Variants in TTC13 observed in about 807,000 individuals in gnomAD.
The protein encoded by TTC13 is tetratricopeptide repeat protein 13.
TTC13 carries 62 observed loss-of-function variants against 120.0 expected under a neutral mutation model. The ratio of observed to expected loss-of-function variants is 0.52; its 90% CI spans 0.42 to 0.64. TTC13 has a LOEUF of 0.64. Among genes scored for constraint, TTC13 ranks in the 30% least tolerant of loss-of-function variants. The pLI is 0.00. For synonymous variants in TTC13, 384 were observed against 393.5 expected, an observed-to-expected ratio of 0.98 and a Z score of 0.28; for missense variants, 824 against 1,050.2, an observed-to-expected ratio of 0.78 and a Z score of 2.98.
At chr1:230,977,390 A>G (rs1473779800) in intron 1 of TTC13, among the ~76,000 whole-genome samples, 1 of 152,224 alleles carries the variant, frequency 6.6e-6, no homozygotes, top group African/African-American at 2.4e-5. Context: ...TCAGAGATAC[A>G]GAAAGTGACA....
Position 230,974,895 on chromosome 1 carries a change from T to C in TTC13, c.271+3665A>G, listed in dbSNP as rs148021647. ...TCAAAGACAAAATTCTAATAGTGAT[T>C]TAAGAATATAACTTTCAACAAAGCT... On this transcript the variant is annotated intron_variant, in intron 1 of 22. Transcript: ENST00000366661. 5.0e-3 allele frequency among the ~76,000 whole-genome samples: 757 copies of C among 152,332 alleles called. 6 individuals carry two copies. Among genetic ancestry groups the C allele is most frequent in the African/African-American group, 0.017 (710 of 41,566 alleles).
chr1:230,978,599 A>T lies in TTC13; in HGVS notation c.232T>A (p.Ser78Thr). The change falls in exon 1 of 23, where the codon TCC (serine) becomes ACC (threonine). Residue 78 changes from serine to threonine, a missense_variant. Physicochemically the swap from Ser to Thr is moderately conservative, Grantham distance 58 (BLOSUM62 1). Transcript: ENST00000366661. This position sits in a 1 kb window ranked among gnomAD's most constrained non-coding sequence, Gnocchi z 5.6. ...PAGGGGCSPQSGDWGDQYSAE... is the reference protein window; with the variant it reads ...PAGGGGCSPQTGDWGDQYSAE... ...GAGTACTGGTCCCCCCAGTCCCCGG[A>T]CTGCGGGCTGCAGCCGCCGCCGCCC... is the stretch of plus-strand genomic sequence containing the variant. The T allele has an allele frequency of 1.5e-5, 21 of 1,408,770 alleles. No individual in the cohort carries two copies. Among genetic ancestry groups the T allele is most frequent in the Non-Finnish European group, 1.8e-5 (19 of 1,065,834 alleles). The allele number at this position is 1,408,770 out of a possible 1,614,324, so 87.3% of individuals were successfully genotyped here. A position where few individuals can be genotyped will look rare whatever the true frequency, so the allele number is the denominator to read the frequency against.
At chr1:230,966,778 C>T (rs1677168415) in intron 1 of TTC13, among the ~76,000 whole-genome samples, 1 of 152,174 alleles carries the variant, frequency 6.6e-6, no homozygotes, top group East Asian at 1.9e-4. Context: ...TACAGGCAAC[C>T]TTAGAATCCC....
In TTC13 at chr1:230,934,333, CA is replaced by C. The variant is rs140274892; in HGVS notation, c.901-473del. On this transcript the variant is annotated intron_variant, in intron 8 of 22. Transcript: ENST00000366661. ...AATGTGAAACTGTTCCTAAAACAAG[CA>C]AAAAGGCTCCTAGATTCACCATCTG... 4.0e-3 allele frequency among the ~76,000 whole-genome samples: 613 copies of C among 151,930 alleles called. 3 individuals are homozygous for C. The highest frequency in any genetic ancestry group is 0.017 in the South Asian group (83 of 4,788).
At chr1:230,934,286 C>A (rs915138610) in intron 8 of TTC13, among the ~76,000 whole-genome samples, 17 of 151,578 alleles carry the variant, frequency 1.1e-4, no homozygotes, top group Non-Finnish European at 2.5e-4. Context: ...AAAATTGAAC[C>A]AAGAGACAAA....
intron 14 of TTC13, among the ~76,000 whole-genome samples, chr1:230,924,453 C>G (rs1294762430): frequency 6.6e-6 from 1 of 152,196 alleles, no homozygotes; most frequent in East Asian, 1.9e-4. Context: ...CTGCCTCAGC[C>G]TCCGGAGTAG....
chr1:230,915,599 T>C (rs1350500601), intron 18 of TTC13, among the ~76,000 whole-genome samples: 2 of 152,180 alleles, frequency 1.3e-5, no homozygotes, highest in Non-Finnish European at 2.9e-5. Context: ...AAAAATACTT[T>C]TAAGAATATG....
chr1:230,945,284 C>G (rs1163734907), intron 5 of TTC13, 105 bp downstream of exon 5: 1 of 1,013,368 alleles, frequency 9.9e-7, no homozygotes, highest in Non-Finnish European at 1.6e-6. Flanking sequence ...ATAGATACCA[C>G]TCCACATCCC....
intron 20 of TTC13, among the ~76,000 whole-genome samples, chr1:230,909,724 G>A (rs979930114): frequency 6.6e-6 from 1 of 152,210 alleles, no homozygotes; most frequent in Non-Finnish European, 1.5e-5. Context: ...ATGTACTAAC[G>A]GACAGATGGT....
chr1:230,933,277 T>TG (rs1281498948), intron 9 of TTC13, among the ~76,000 whole-genome samples: 1 of 147,340 alleles, frequency 6.8e-6, no homozygotes, highest in East Asian at 2.0e-4. Flanking sequence ...CCGGCTTACT[T>TG]TTTTTTTTTT....
intron 1 of TTC13, among the ~76,000 whole-genome samples, chr1:230,970,739 A>G (rs1319703424): frequency 6.6e-6 from 1 of 152,204 alleles, no homozygotes; most frequent in African/African-American, 2.4e-5. Flanking sequence ...GAAAGCTTAT[A>G]AGTGGCAAAC....
chr1:230,958,217 G>A lies in TTC13; in HGVS notation c.442+7C>T, dbSNP rs773940219. On this transcript the variant is annotated splice_region_variant and intron_variant, in intron 3 of 22. Transcript: ENST00000366661. ...ATTACAGGAATATTACCAGATTCAA[G>A]TCTTACCTAACTCTTCATTTGTGCT... is the stretch of plus-strand genomic sequence containing the variant. 2 of 1,609,526 alleles carry A rather than the reference G, an allele frequency of 1.2e-6. No individual in the cohort carries two copies. The highest frequency in any genetic ancestry group is 1.7e-6 in the Non-Finnish European group (2 of 1,178,838).
Position 230,961,291 on chromosome 1 carries a change from A to G in TTC13, c.284T>C (p.Leu95Ser). The change falls in exon 2 of 23, where the codon TTG becomes TCG. Residue 95 changes from leucine (L) to serine (S), a missense_variant. Physicochemically the swap from Leu to Ser is moderately radical, Grantham distance 145. This residue lies in a region of TTC13 where 160 missense variants were observed against 137.2 expected (regional missense o/e 1.17). Coordinates refer to ENST00000366661, the MANE Select transcript of TTC13 (RefSeq NM_024525.5). ...YSAECGESSFLNFHDSDCEPK... is the reference protein window; with the variant it reads ...YSAECGESSFSNFHDSDCEPK... Reference sequence around the variant, plus strand: ...TTCGCAGTCTGAGTCATGGAAGTTCAAAAAGGATGACTCTGAAAGGCAAGC... The same window carrying G: ...TTCGCAGTCTGAGTCATGGAAGTTCGAAAAGGATGACTCTGAAAGGCAAGC... 1 of 1,612,970 alleles carries G rather than the reference A, an allele frequency of 6.2e-7. No individual in the cohort carries two copies. Among genetic ancestry groups the G allele is most frequent in the Non-Finnish European group, 8.5e-7 (1 of 1,179,174 alleles).
At chr1:230,937,715 A>G (rs935653046) in intron 8 of TTC13, among the ~76,000 whole-genome samples, 6 of 152,190 alleles carry the variant, frequency 3.9e-5, no homozygotes, top group African/African-American at 1.4e-4. Flanking sequence ...AATCTGTAAA[A>G]CTTTAAATTT....
At position 230,931,327 on chromosome 1, in the gene TTC13, G is replaced by A. The variant is rs749881120; in HGVS notation, c.1271C>T (p.Pro424Leu). The part of the protein sequence containing the change: ...NDPLPGQKAS[P>L]EYLKVKYLRE... ...GAGATACTTTACTTTAAGATACTCA[G>A]GGCTAGCCTTCTGGCCTGGGAGAGG... Residue 424 changes from proline (P) to leucine (L), a missense_variant, in exon 11 of 23, where the codon CCT (proline) becomes CTT (leucine). This residue lies in a region of TTC13 where 430 missense variants were observed against 626.8 expected (regional missense o/e 0.69). Coordinates refer to ENST00000366661, the MANE Select transcript of TTC13 (RefSeq NM_024525.5). 6.2e-7 allele frequency: 1 copy of A among 1,614,048 alleles called. No homozygotes were observed. The highest frequency in any genetic ancestry group is 1.1e-5 in the South Asian group (1 of 91,056).
chr1:230,923,399 C>A (rs1036408070), intron 15 of TTC13, among the ~76,000 whole-genome samples: 1 of 152,012 alleles, frequency 6.6e-6, no homozygotes, highest in Non-Finnish European at 1.5e-5. Flanking sequence ...TTTATCTAAG[C>A]CCTTTGTGTG....
chr1:230,945,953 T>TG (rs1269728159), intron 4 of TTC13, among the ~76,000 whole-genome samples: 11 of 152,232 alleles, frequency 7.2e-5, no homozygotes, highest in African/African-American at 2.7e-4. Context: ...TGAAATCTGT[T>TG]GGAGATTAAT....
intron 11 of TTC13, 70 bp downstream of exon 11, chr1:230,931,228 A>G: frequency 6.6e-7 from 1 of 1,522,710 alleles, no homozygotes; most frequent in South Asian, 1.2e-5. Context: ...GAAACATAAA[A>G]GAGTCAAGCA....
At chr1:230,924,462 A>G (rs1055917285) in intron 14 of TTC13, among the ~76,000 whole-genome samples, 6 of 152,154 alleles carry the variant, frequency 3.9e-5, no homozygotes, top group African/African-American at 1.4e-4. Context: ...CCTCCGGAGT[A>G]GCTGCGACTA....
Sources: gnomAD v4.1 joint callset for allele counts (sites outside exome capture counted in the v4.1 genomes callset) on GRCh38, gnomAD v4.1.1 for gene constraint, gnomAD v4.1.1 regional missense constraint, Gnocchi (gnomAD v3.1) non-coding constraint, MANE v1.5 for transcripts, NCBI Gene and HGNC (gene_info 2026-07-23, HGNC 2026-07-21) for gene names.